The following ATRNL1 variants were observed in gnomAD, a reference collection of about 807,000 sequenced individuals.
ATRNL1 encodes the protein attractin-like protein 1.
A neutral mutation model predicts 182.7 loss-of-function variants in ATRNL1; 95 were observed. The observed-to-expected ratio is 0.52, with a 90% CI of 0.44 to 0.62. ATRNL1 has a LOEUF of 0.62. ATRNL1 is among the 20% of genes least tolerant of loss of function. ATRNL1 has a pLI of 0.00. For synonymous variants in ATRNL1, 576 were observed against 568.3 expected, an observed-to-expected ratio of 1.01 and a Z score of -0.19; for missense variants, 1,471 against 1,679.5, an observed-to-expected ratio of 0.88 and a Z score of 2.17.
At chr10:115,145,368 T>C (rs181443577) in intron 5 of ATRNL1, among the ~76,000 whole-genome samples, 118 of 152,296 alleles carry the variant, frequency 7.7e-4, no homozygotes, top group Admixed American at 2.1e-3. Flanking sequence ...TTGGAAACCA[T>C]TGATCTTTAA....
chr10:115,689,174 C>G (rs951220324), intron 26 of ATRNL1, among the ~76,000 whole-genome samples: 9 of 152,078 alleles, frequency 5.9e-5, no homozygotes, highest in Non-Finnish European at 1.3e-4. Flanking sequence ...TGTTTTTATA[C>G]CAATACCATG....
intron 28 of ATRNL1, among the ~76,000 whole-genome samples, chr10:115,940,192 A>C (rs1555123863): frequency 6.6e-6 from 1 of 152,120 alleles, no homozygotes; most frequent in Admixed American, 6.6e-5. Context: ...AGCTTGTGGG[A>C]GCTGTAGACA....
chr10:115,645,785 T>C (rs948912150), intron 26 of ATRNL1, among the ~76,000 whole-genome samples: 5 of 152,012 alleles, frequency 3.3e-5, no homozygotes. Flanking sequence ...GAGCTGTTAT[T>C]GAACTTCATT....
intron 27 of ATRNL1, among the ~76,000 whole-genome samples, chr10:115,838,446 T>C (rs1555096188): frequency 6.6e-6 from 1 of 152,172 alleles, no homozygotes; most frequent in African/African-American, 2.4e-5. Context: ...GAGAAGGTCA[T>C]CTCAGTATTT....
chr10:115,631,337 A>G (rs1555026344), intron 26 of ATRNL1, among the ~76,000 whole-genome samples: 1 of 152,128 alleles, frequency 6.6e-6, no homozygotes, highest in Non-Finnish European at 1.5e-5. Flanking sequence ...AAACATACAT[A>G]AATTTTATAA....
At chr10:115,235,165 A>G (rs1467933364) in intron 9 of ATRNL1, among the ~76,000 whole-genome samples, 1 of 152,180 alleles carries the variant, frequency 6.6e-6, no homozygotes, top group Non-Finnish European at 1.5e-5. Context: ...TTTTGTTAGG[A>G]ATACCAAAAT....
chr10:115,151,046 T>G (rs1257467827), intron 5 of ATRNL1, among the ~76,000 whole-genome samples: 1 of 152,246 alleles, frequency 6.6e-6, no homozygotes, highest in Non-Finnish European at 1.5e-5. Context: ...ACAAAGGACA[T>G]GAACTCATCA....
intron 26 of ATRNL1, among the ~76,000 whole-genome samples, chr10:115,685,393 AATGACTACCTCGTGG>A (rs1298760920): frequency 6.6e-6 from 1 of 151,834 alleles, no homozygotes; most frequent in African/African-American, 2.4e-5. Context: ...AGATATCAAT[AATGACTACCTCGTGG>A]ATTGTTAAGA....
intron 10 of ATRNL1, among the ~76,000 whole-genome samples, chr10:115,252,873 C>G (rs1378200594): frequency 1.3e-5 from 2 of 152,096 alleles, no homozygotes; most frequent in Non-Finnish European, 2.9e-5. Flanking sequence ...TCCTGCTATA[C>G]TATTCCCTTC....
At chr10:115,315,184 CAAT>C (rs1456452181) in intron 17 of ATRNL1, among the ~76,000 whole-genome samples, 2 of 152,096 alleles carry the variant, frequency 1.3e-5, no homozygotes, top group African/African-American at 4.8e-5. Flanking sequence ...ATATCACAGA[CAAT>C]AATAAAGGTG....
At position 115,281,436 on chromosome 10, in the gene ATRNL1, A is replaced by C. The variant is rs1554916785; in HGVS notation, c.2182A>C (p.Asn728His). ...KLTSCKSCSL[N>H]LNCQWDQRQQ... ...TACCAGCTGTAAAAGCTGTTCACTAAACTTGAATTGCCAGTGGGATCAGAG... is the reference window on the plus strand; with the variant it reads ...TACCAGCTGTAAAAGCTGTTCACTACACTTGAATTGCCAGTGGGATCAGAG... Residue 728 changes from asparagine to histidine, a missense_variant, in exon 14 of 29, where the codon AAC (asparagine) becomes CAC (histidine). This residue lies in a region of ATRNL1 where 1,031 missense variants were observed against 1,156.0 expected (regional missense o/e 0.89). Transcript: ENST00000355044. 1 of 1,613,626 alleles carries C rather than the reference A, an allele frequency of 6.2e-7. No homozygotes were observed. The highest frequency in any genetic ancestry group is 1.1e-5 in the South Asian group (1 of 91,042).
rs1015704140 is a variant in ATRNL1, at chr10:115,752,027, T to A, written c.3903+24672T>A. Among the ~76,000 whole-genome samples the A allele has an allele frequency of 5.3e-5, 8 of 152,042 alleles. No individual in the cohort carries two copies. In the East Asian group the frequency reaches 1.5e-3, roughly 29 times the overall value. ...CTATAAATGTATTACAACTATGAAG[T>A]TTTACTGATTTAGGAATTCAAAATA... is the stretch of plus-strand genomic sequence containing the variant. On this transcript the variant is annotated intron_variant, in intron 27 of 28. Coordinates refer to ENST00000355044, the MANE Select transcript of ATRNL1 (RefSeq NM_207303.4).
chr10:115,607,258 AAAAT>A (rs1399088810), intron 26 of ATRNL1, among the ~76,000 whole-genome samples: 2 of 151,930 alleles, frequency 1.3e-5, no homozygotes, highest in Non-Finnish European at 2.9e-5. Flanking sequence ...TTCATCTTTT[AAAAT>A]AAATAAAACA....
intron 19 of ATRNL1, among the ~76,000 whole-genome samples, chr10:115,364,619 C>A (rs1165686930): frequency 2.0e-5 from 3 of 150,230 alleles, no homozygotes; most frequent in Admixed American, 6.6e-5. Context: ...GGAATGCTTC[C>A]AGTTATTGCC....
intron 19 of ATRNL1, among the ~76,000 whole-genome samples, chr10:115,362,829 G>A (rs570893598): frequency 7.9e-4 from 120 of 151,142 alleles, no homozygotes; most frequent in African/African-American, 2.8e-3. Flanking sequence ...TTTCATCCAT[G>A]TCCCTACAAA....
chr10:115,604,055 T>C (rs1856753663), intron 26 of ATRNL1, among the ~76,000 whole-genome samples: 1 of 152,176 alleles, frequency 6.6e-6, no homozygotes, highest in African/African-American at 2.4e-5. Context: ...TTCGATGTCA[T>C]TTCTGGGTCT....
chr10:115,858,736 T>A (rs1951243502), intron 28 of ATRNL1, among the ~76,000 whole-genome samples: 1 of 150,968 alleles, frequency 6.6e-6, no homozygotes, highest in Non-Finnish European at 1.5e-5. Context: ...AGGTCCTCCA[T>A]TTTTTTTTAT....
chr10:115,524,856 AT>A (rs1352301571), intron 25 of ATRNL1, among the ~76,000 whole-genome samples: 1 of 152,212 alleles, frequency 6.6e-6, no homozygotes, highest in Non-Finnish European at 1.5e-5. Flanking sequence ...ACATGATGAT[AT>A]TTTGAATGCT....
At chr10:115,876,010 G>A (rs1290193480) in intron 28 of ATRNL1, among the ~76,000 whole-genome samples, 7 of 152,202 alleles carry the variant, frequency 4.6e-5, no homozygotes, top group Non-Finnish European at 7.3e-5. Flanking sequence ...CAAATACTGG[G>A]AATCTTGAAG....
Sources: allele counts gnomAD v4.1 joint callset (sites outside exome capture counted in the v4.1 genomes callset), GRCh38; gene constraint gnomAD v4.1.1; regional missense constraint gnomAD v4.1.1; transcripts MANE v1.5; gene names NCBI Gene and HGNC (gene_info 2026-07-23, HGNC 2026-07-21).